FAM3B: variants seen among roughly 807,000 people sequenced by gnomAD.
FAM3B encodes protein FAM3B.
A neutral mutation model predicts 28.4 loss-of-function variants in FAM3B; 29 were observed. That is an observed-to-expected ratio of 1.02 (90% CI 0.76 to 1.39). The LOEUF (loss-of-function observed/expected upper bound fraction) is 1.39. FAM3B is among the 40% of genes most tolerant of loss of function. The pLI is 0.00. For missense variants in FAM3B, 266 were observed against 293.9 expected (o/e 0.91, Z 0.69); for synonymous variants, 91 against 103.0 (o/e 0.88, Z 0.71).
In FAM3B at chr21:41,353,676, G is replaced by A. The variant is rs992327692; in HGVS notation, c.619-3432G>A. ...AATTAAGTAACAATAAATCAAATAC[G>A]TAAATGTAATGGCTAACACTATTAA... On this transcript the variant is annotated intron_variant, in intron 7 of 7. Coordinates refer to ENST00000357985, the MANE Select transcript of FAM3B (RefSeq NM_058186.4). 2.6e-5 allele frequency among the ~76,000 whole-genome samples: 4 copies of A among 152,278 alleles called. No individual in the cohort carries two copies. In the East Asian group the frequency reaches 5.8e-4, roughly 22 times the overall value.
At chr21:41,349,888 C>T (rs1230402744) in intron 7 of FAM3B, among the ~76,000 whole-genome samples, 1 of 152,228 alleles carries the variant, frequency 6.6e-6, no homozygotes, top group East Asian at 1.9e-4. Context: ...GGAAGCCAGC[C>T]CTGCAGAACG....
chr21:41,339,287 A>AT (rs1385734131), intron 3 of FAM3B, among the ~76,000 whole-genome samples: 2 of 152,048 alleles, frequency 1.3e-5, no homozygotes, highest in East Asian at 1.9e-4. Context: ...CCCCATTTTT[A>AT]TTTTTTTATT....
chr21:41,350,331 G>A (rs907794476), intron 7 of FAM3B, among the ~76,000 whole-genome samples: 2 of 152,320 alleles, frequency 1.3e-5, no homozygotes, highest in East Asian at 1.9e-4. Flanking sequence ...GTCGTCTTGA[G>A]AATGTCCAGG....
chr21:41,320,348 G>A (rs2088790988), intron 1 of FAM3B: 1 of 152,278 alleles, frequency 6.6e-6, no homozygotes, highest in South Asian at 2.1e-4. Context: ...CTGAGATCAA[G>A]CCATCCCTCC....
intron 2 of FAM3B, among the ~76,000 whole-genome samples, chr21:41,324,416 G>A (rs557832591): frequency 3.9e-5 from 6 of 152,174 alleles, no homozygotes; most frequent in Admixed American, 3.9e-4. Flanking sequence ...CAGGACCAAA[G>A]GGATTCATCC....
rs2088854593 is a variant in FAM3B, at chr21:41,326,327, A to ACAG, written c.163+3261_163+3262insCAG. Among the ~76,000 whole-genome samples the ACAG allele has an allele frequency of 6.6e-6, 1 of 152,122 alleles. No individual in the cohort carries two copies. Among genetic ancestry groups the ACAG allele is most frequent in the African/African-American group, 2.4e-5 (1 of 41,434 alleles). ...GACACATTGTGCTTCTGGGAAACGG[A>ACAG]TGGGGGACTCAGAAAGCTACTGACT... On this transcript the variant is annotated intron_variant, in intron 2 of 7. Transcript: ENST00000357985. This position sits in a 1 kb window ranked among gnomAD's most constrained non-coding sequence, Gnocchi z 4.0.
At chr21:41,309,449 T>C (rs541643691) in intron 1 of FAM3B, among the ~76,000 whole-genome samples, 1 of 152,336 alleles carries the variant, frequency 6.6e-6, no homozygotes, top group Admixed American at 6.5e-5. Flanking sequence ...CCTCCCATGC[T>C]GGCCACGAGC....
intron 1 of FAM3B, chr21:41,320,238 A>T (rs538300167): frequency 4.6e-5 from 7 of 152,180 alleles, no homozygotes; most frequent in African/African-American, 1.7e-4. Context: ...CCTCCTGTGT[A>T]ATTGGGACTA....
At chr21:41,316,360 G>A (rs1302517873), upstream of FAM3B, among the ~76,000 whole-genome samples, 1 of 152,320 alleles carries the variant, frequency 6.6e-6, no homozygotes, top group East Asian at 1.9e-4. Flanking sequence ...GCAACAGCGA[G>A]CCTGTAGCGA....
chr21:41,304,500 A>C (rs1049963382), intron 1 of FAM3B, among the ~76,000 whole-genome samples: 1 of 152,024 alleles, frequency 6.6e-6, no homozygotes, highest in Non-Finnish European at 1.5e-5. Flanking sequence ...ACAGCCCCCA[A>C]CTCCCGTCTA....
chr21:41,314,242 G>A (rs563169354), upstream of FAM3B, among the ~76,000 whole-genome samples: 53 of 152,310 alleles, frequency 3.5e-4, no homozygotes, highest in Admixed American at 7.2e-4. Flanking sequence ...GCAAGCCAGG[G>A]AAAGACACTC....
chr21:41,338,244 C>T, intron 2 of FAM3B, 134 bp from the exon 3 acceptor site: 1 of 958,074 alleles, frequency 1.0e-6, no homozygotes, highest in South Asian at 1.6e-5. Flanking sequence ...AGTCTGGAAA[C>T]CCTTCCCCCT....
At position 41,306,194 on chromosome 21, in the gene FAM3B, G is replaced by A. The variant is rs1275696548; in HGVS notation, n.99+1884G>A. Among the ~76,000 whole-genome samples the A allele has an allele frequency of 3.2e-4, 48 of 152,164 alleles. 1 individual carries two copies. The highest frequency in any genetic ancestry group is 5.9e-5 in the Non-Finnish European group (4 of 68,036). ...TCTTTAGGCTCCATTCTTAATGCTA[G>A]TTCTCTTATTATTTCCATCATATTT... On this transcript the variant is annotated intron_variant and non_coding_transcript_variant, in intron 1 of 9. Transcript: ENST00000479810.
chr21:41,324,828 G>A (rs964325064), intron 2 of FAM3B, among the ~76,000 whole-genome samples: 1 of 152,186 alleles, frequency 6.6e-6, no homozygotes. Flanking sequence ...GGGGCCTGGC[G>A]CAGTGGCTCA....
intron 2 of FAM3B, among the ~76,000 whole-genome samples, chr21:41,327,801 T>A (rs546984028): frequency 6.6e-6 from 1 of 152,246 alleles, no homozygotes; most frequent in African/African-American, 2.4e-5. Context: ...GCTGCTGCCA[T>A]ACTGTTGTCC....
At chr21:41,323,840 A>C (rs2088832182) in intron 2 of FAM3B, among the ~76,000 whole-genome samples, 1 of 152,214 alleles carries the variant, frequency 6.6e-6, no homozygotes, top group Admixed American at 6.5e-5. Flanking sequence ...GCTGTGTGCC[A>C]GTTTGGGAGC....
chr21:41,323,115 G>A, intron 2 of FAM3B, 49 bp downstream of exon 2: 1 of 1,590,726 alleles, frequency 6.3e-7, no homozygotes, highest in Non-Finnish European at 8.5e-7. Context: ...CTTGTGTGCA[G>A]AGGGAGGAGT....
Position 41,348,578 on chromosome 21 carries a change from C to T in FAM3B, c.486-14C>T. 6.2e-7 allele frequency: 1 copy of T among 1,614,170 alleles called. No individual in the cohort carries two copies. The highest frequency in any genetic ancestry group is 8.5e-7 in the Non-Finnish European group (1 of 1,180,028). On this transcript the variant is annotated splice_polypyrimidine_tract_variant and intron_variant, in intron 6 of 7. Coordinates refer to ENST00000357985, the MANE Select transcript of FAM3B (RefSeq NM_058186.4). ...TCCCTGAGATGCTCACATGCTTTTC[C>T]CTTTGTCCTGCAGACTGAATAACGA...
intron 1 of FAM3B, chr21:41,304,368 C>T (rs1046038054): frequency 1.3e-5 from 6 of 452,616 alleles, no homozygotes; most frequent in Non-Finnish European, 2.7e-5. Flanking sequence ...AGGACGCTGC[C>T]GCCTGCATCT....
Sources: gnomAD v4.1 joint callset for allele counts (sites outside exome capture counted in the v4.1 genomes callset) on GRCh38, gnomAD v4.1.1 for gene constraint, Gnocchi (gnomAD v3.1) non-coding constraint, MANE v1.5 for transcripts, NCBI Gene and HGNC (gene_info 2026-07-23, HGNC 2026-07-21) for gene names.